Variants in ZPBP observed in about 807,000 individuals in gnomAD.
The protein encoded by ZPBP is zona pellucida binding protein.
A neutral mutation model predicts 44.8 loss-of-function variants in ZPBP; 26 were observed. The ratio of observed to expected loss-of-function variants is 0.58; its 90% CI spans 0.43 to 0.81. The LOEUF is 0.81. Among genes scored for constraint, ZPBP ranks in the 30% least tolerant of loss-of-function variants. The probability of loss-of-function intolerance (pLI) is 0.00; values close to 1 mark genes in which losing one functional copy is unlikely to be tolerated. For synonymous variants in ZPBP, 174 were observed against 153.2 expected (o/e 1.14, Z -1.00); for missense variants, 409 against 434.0 (o/e 0.94, Z 0.51).
At chr7:49,884,074 C>A (rs1791794272) in intron 2 of ZPBP, among the ~76,000 whole-genome samples, 1 of 152,170 alleles carries the variant, frequency 6.6e-6, no homozygotes, top group Non-Finnish European at 1.5e-5. Context: ...CTTCAAGAAC[C>A]CTGAGCACAG....
At chr7:50,071,963 G>A (rs913075331) in intron 3 of ZPBP, among the ~76,000 whole-genome samples, 2 of 152,158 alleles carry the variant, frequency 1.3e-5, no homozygotes, top group African/African-American at 4.8e-5. Flanking sequence ...TGGCTATGGG[G>A]AAAAACTCCT....
At chr7:50,017,405 T>C (rs1798863719) in intron 6 of ZPBP, among the ~76,000 whole-genome samples, 1 of 152,092 alleles carries the variant, frequency 6.6e-6, no homozygotes, top group African/African-American at 2.4e-5. Context: ...ATAAACACAG[T>C]GAAGCTTCAC....
intron 4 of ZPBP, among the ~76,000 whole-genome samples, chr7:50,055,685 A>G (rs987370825): frequency 2.0e-5 from 3 of 152,206 alleles, no homozygotes; most frequent in African/African-American, 7.2e-5. Context: ...CTAAGCAAGC[A>G]TTATATAAAT....
intron 7 of ZPBP, among the ~76,000 whole-genome samples, chr7:49,977,640 C>T (rs1365413713): frequency 6.6e-6 from 1 of 152,064 alleles, no homozygotes; most frequent in East Asian, 1.9e-4. Context: ...TATCAAAAGG[C>T]TTGAATCAGC....
chr7:49,924,540 A>C (rs1794154508), intron 1 of ZPBP, among the ~76,000 whole-genome samples: 1 of 152,170 alleles, frequency 6.6e-6, no homozygotes, highest in Non-Finnish European at 1.5e-5. Flanking sequence ...TTAAGAAACA[A>C]AATTCCAAGA....
intron 2 of ZPBP, among the ~76,000 whole-genome samples, chr7:50,085,959 T>C (rs1390657921): frequency 2.0e-5 from 3 of 152,156 alleles, no homozygotes; most frequent in African/African-American, 7.2e-5. Context: ...ATTGAGGTTC[T>C]GCACGGCATA....
At chr7:50,089,260 G>A (rs1434838217) in intron 2 of ZPBP, among the ~76,000 whole-genome samples, 5 of 152,000 alleles carry the variant, frequency 3.3e-5, no homozygotes, top group Non-Finnish European at 7.4e-5. Flanking sequence ...ACCAAAACAA[G>A]TTGTAGTTGC....
intron 1 of ZPBP, among the ~76,000 whole-genome samples, chr7:49,902,363 A>G (rs1583795580): frequency 6.6e-6 from 1 of 152,220 alleles, no homozygotes; most frequent in East Asian, 1.9e-4. Context: ...CCCATTTAAA[A>G]TCTATTGTAT....
chr7:49,900,251 C>T (rs1792642907), intron 2 of ZPBP, among the ~76,000 whole-genome samples: 1 of 151,676 alleles, frequency 6.6e-6, no homozygotes, highest in Non-Finnish European at 1.5e-5. Flanking sequence ...ATAATCTAAG[C>T]TTCCACCTTT....
chr7:50,007,046 T>A lies in ZPBP; in HGVS notation c.783+11194A>T, dbSNP rs78527974. On this transcript the variant is annotated intron_variant, in intron 6 of 7. Transcript: ENST00000046087. ...GGATTAGTGCCCTAATAAAGGAGGC[T>A]GAAGGGAGCTGTTGTTCCTTCTACT... Among the ~76,000 whole-genome samples the A allele has an allele frequency of 8.2e-4, 125 of 152,016 alleles. 2 individuals carry two copies. The highest frequency in any genetic ancestry group is 6.8e-3 in the Middle Eastern group (2 of 294).
chr7:49,892,091 C>T (rs943499775), intron 2 of ZPBP, among the ~76,000 whole-genome samples: 3 of 109,066 alleles, frequency 2.8e-5, no homozygotes, highest in Admixed American at 2.9e-4. Context: ...GTGGCCCAGG[C>T]GGGAGTGCAG....
chr7:49,904,668 A>T (rs1300064932), intron 1 of ZPBP, among the ~76,000 whole-genome samples: 1 of 152,158 alleles, frequency 6.6e-6, no homozygotes, highest in African/African-American at 2.4e-5. Context: ...TACCTATTAC[A>T]AGAGCAGTAA....
At chr7:49,956,125 A>G (rs1483076) in intron 7 of ZPBP, among the ~76,000 whole-genome samples, 113,851 of 152,046 alleles carry the variant, frequency 0.75, 42,866 homozygotes, top group East Asian at 0.89. Flanking sequence ...TGAATTTAGA[A>G]GGACAGTTGA....
intron 3 of ZPBP, among the ~76,000 whole-genome samples, chr7:50,072,711 C>T (rs1801907049): frequency 6.6e-6 from 1 of 152,240 alleles, no homozygotes; most frequent in African/African-American, 2.4e-5. Context: ...GAAAATTTTC[C>T]TGGATCTGGT....
At chr7:49,926,617 A>C (rs13237215) in intron 1 of ZPBP, among the ~76,000 whole-genome samples, 118,330 of 152,180 alleles carry the variant, frequency 0.78, 46,180 homozygotes, top group East Asian at 0.88. Flanking sequence ...AATCGCAGAG[A>C]CCCATCCCAC....
chr7:49,910,637 CTCTT>C (rs1472860109), intron 1 of ZPBP, among the ~76,000 whole-genome samples: 1 of 152,188 alleles, frequency 6.6e-6, no homozygotes, highest in Non-Finnish European at 1.5e-5. Flanking sequence ...AACGTTGGAA[CTCTT>C]TCTGATACTC....
intron 2 of ZPBP, among the ~76,000 whole-genome samples, chr7:49,880,023 G>A (rs1444493064): frequency 6.6e-6 from 1 of 152,100 alleles, no homozygotes; most frequent in Non-Finnish European, 1.5e-5. Context: ...TGACCAGAGG[G>A]AGCATCATTT....
At chr7:49,914,252 C>T (rs1304866536) in intron 1 of ZPBP, 2 of 152,196 alleles carry the variant, frequency 1.3e-5, no homozygotes, top group Non-Finnish European at 2.9e-5. Flanking sequence ...TTCCTGTTTC[C>T]CTTAATAATA....
At chr7:49,858,428 G>C (rs146067815) in intron 2 of ZPBP, among the ~76,000 whole-genome samples, 4,400 of 151,860 alleles carry the variant, frequency 0.029, 174 homozygotes, top group South Asian at 0.12. Flanking sequence ...AGCTGAAAAC[G>C]ATCATTCTCA....
Sources: allele counts gnomAD v4.1 joint callset (sites outside exome capture counted in the v4.1 genomes callset), GRCh38; gene constraint gnomAD v4.1.1; transcripts MANE v1.5; gene names NCBI Gene and HGNC (gene_info 2026-07-23, HGNC 2026-07-21).